The following AOPEP variants were observed in gnomAD, a reference collection of about 807,000 sequenced individuals.
AOPEP encodes aminopeptidase O (putative).
A neutral mutation model predicts 98.1 loss-of-function variants in AOPEP; 77 were observed. That is an observed-to-expected ratio of 0.78 (90% CI 0.65 to 0.95). The LOEUF is 0.95. Among genes scored for constraint, AOPEP ranks in the 40% least tolerant of loss-of-function variants. The probability of loss-of-function intolerance (pLI) is 0.00; values close to 1 mark genes in which losing one functional copy is unlikely to be tolerated. For synonymous variants in AOPEP, 346 were observed against 365.3 expected (o/e 0.95, Z 0.60); for missense variants, 1,024 against 1,024.7 (o/e 1.00, Z 0.01).
At chr9:94,844,885 A>G (rs1323124379) in intron 5 of AOPEP, among the ~76,000 whole-genome samples, 1 of 152,308 alleles carries the variant, frequency 6.6e-6, no homozygotes, top group East Asian at 1.9e-4. Flanking sequence ...AGGCCAGGGT[A>G]CAAGTTACCT....
At chr9:95,142,787 A>G in the AOPEP span, among the ~76,000 whole-genome samples, 1 of 152,192 alleles carries the variant, frequency 6.6e-6, no homozygotes, top group South Asian at 2.1e-4. Context: ...TAGAGTGGTC[A>G]GAGACTCGTA....
chr9:94,812,684 G>A (rs1564180400), intron 5 of AOPEP, among the ~76,000 whole-genome samples: 1 of 152,106 alleles, frequency 6.6e-6, no homozygotes. Flanking sequence ...TTCACTCTGT[G>A]CCCCTGCCCT....
At chr9:95,132,372 C>G in the AOPEP span, among the ~76,000 whole-genome samples, 6 of 152,244 alleles carry the variant, frequency 3.9e-5, no homozygotes, top group Non-Finnish European at 5.9e-5. Context: ...GGAAACCGAA[C>G]AATGCCAAGA....
Position 94,800,320 on chromosome 9 carries a change from T to C in AOPEP, c.1119-437T>C, listed in dbSNP as rs558477709. 7.9e-5 allele frequency among the ~76,000 whole-genome samples: 12 copies of C among 152,328 alleles called. No homozygotes were observed. The South Asian group carries it at 2.5e-3, about 32-fold the overall frequency. On this transcript the variant is annotated intron_variant, in intron 4 of 16. Coordinates refer to ENST00000375315, the MANE Select transcript of AOPEP (RefSeq NM_001193329.3). ...TCTTTTATTCTAGGTAATCCCAGAATTGGATCTTTAATTTGTGTGTACTGC... is the reference window on the plus strand; with the variant it reads ...TCTTTTATTCTAGGTAATCCCAGAACTGGATCTTTAATTTGTGTGTACTGC...
chr9:94,856,842 A>G (rs7038519), intron 5 of AOPEP, among the ~76,000 whole-genome samples: 128,448 of 152,160 alleles, frequency 0.84, 55,921 homozygotes, highest in Non-Finnish European at 0.94. Flanking sequence ...CACCTCTAGC[A>G]TCTGAAATAA....
At chr9:94,899,309 G>A (rs1448121229) in intron 5 of AOPEP, among the ~76,000 whole-genome samples, 1 of 143,712 alleles carries the variant, frequency 7.0e-6, no homozygotes, top group Non-Finnish European at 1.5e-5. Context: ...CTCAGCCTCC[G>A]GAGTAGCTGG....
At chr9:95,070,835 C>T (rs377579616) in intron 14 of AOPEP, among the ~76,000 whole-genome samples, 1 of 152,210 alleles carries the variant, frequency 6.6e-6, no homozygotes, top group Non-Finnish European at 1.5e-5. Context: ...GAGATGTGGA[C>T]GCGTCAGATC....
At chr9:95,058,070 T>G (rs1361726358) in intron 13 of AOPEP, among the ~76,000 whole-genome samples, 1 of 152,258 alleles carries the variant, frequency 6.6e-6, no homozygotes, top group East Asian at 1.9e-4. Flanking sequence ...AAGCTTCCAT[T>G]GATCCTTTTG....
chr9:94,892,001 T>C (rs1261314019), intron 5 of AOPEP, among the ~76,000 whole-genome samples: 1 of 152,228 alleles, frequency 6.6e-6, no homozygotes, highest in African/African-American at 2.4e-5. Flanking sequence ...TTGAAAAATA[T>C]TATGCATCTT....
Position 94,923,455 on chromosome 9 carries a change from C to G in AOPEP, c.1365-531C>G, listed in dbSNP as rs922758575. On this transcript the variant is annotated intron_variant, in intron 5 of 16. Coordinates refer to ENST00000375315, the MANE Select transcript of AOPEP (RefSeq NM_001193329.3). ...GGGCCTCCTGGAAACCTCAGCCATC[C>G]CCGGCACCTGCTCGTTTGTTAACAT... Among the ~76,000 whole-genome samples, 6 of 152,286 alleles carry G rather than the reference C, an allele frequency of 3.9e-5. No individual in the cohort carries two copies. In the South Asian group the frequency reaches 1.2e-3, roughly 32 times the overall value.
At chr9:95,058,919 G>A (rs971139451) in intron 13 of AOPEP, among the ~76,000 whole-genome samples, 17 of 152,234 alleles carry the variant, frequency 1.1e-4, no homozygotes, top group African/African-American at 3.6e-4. Flanking sequence ...ACTGGAAGGA[G>A]AAGGAGGGCA....
chr9:94,837,871 C>T lies in AOPEP; in HGVS notation c.1364+36869C>T, dbSNP rs537049409. Among the ~76,000 whole-genome samples, 37 of 152,334 alleles carry T rather than the reference C, an allele frequency of 2.4e-4. No individual in the cohort carries two copies. The South Asian group carries it at 7.7e-3, about 32-fold the overall frequency. On this transcript the variant is annotated intron_variant, in intron 5 of 16. Transcript: ENST00000375315. ...GAAATAAGATAAGGATGCCCACTCTCACCACTTCTATTCAGCATAGTACTG... is the reference window on the plus strand; with the variant it reads ...GAAATAAGATAAGGATGCCCACTCTTACCACTTCTATTCAGCATAGTACTG...
chr9:94,922,678 T>C (rs1197504659), intron 5 of AOPEP, among the ~76,000 whole-genome samples: 1 of 152,150 alleles, frequency 6.6e-6, no homozygotes, highest in Non-Finnish European at 1.5e-5. Flanking sequence ...ATACTGTTGG[T>C]GCCTGTTGCA....
At chr9:94,871,369 G>A (rs2046327472) in intron 5 of AOPEP, among the ~76,000 whole-genome samples, 1 of 152,162 alleles carries the variant, frequency 6.6e-6, no homozygotes, top group Admixed American at 6.5e-5. Flanking sequence ...CCTGACATCT[G>A]AGTGCGGGAC....
intron 5 of AOPEP, among the ~76,000 whole-genome samples, chr9:94,870,562 C>T (rs975174283): frequency 1.1e-4 from 17 of 152,142 alleles, no homozygotes; most frequent in Admixed American, 1.3e-4. Flanking sequence ...TATTTGAACC[C>T]AGAGGCTACA....
intron 7 of AOPEP, among the ~76,000 whole-genome samples, chr9:94,951,615 G>T (rs73540062): frequency 0.011 from 1,707 of 152,300 alleles, 30 homozygotes; most frequent in African/African-American, 0.038. Flanking sequence ...AGTTAGAAAC[G>T]AATCTGGCTA....
intron 5 of AOPEP, among the ~76,000 whole-genome samples, chr9:94,883,050 C>T (rs1014193640): frequency 1.3e-5 from 2 of 152,168 alleles, no homozygotes; most frequent in Non-Finnish European, 2.9e-5. Flanking sequence ...ATAAATACTG[C>T]TTACATCAAC....
At chr9:94,946,055 T>A (rs1438921029) in intron 7 of AOPEP, among the ~76,000 whole-genome samples, 27 of 152,104 alleles carry the variant, frequency 1.8e-4, no homozygotes, top group Admixed American at 1.8e-3. Flanking sequence ...CAGAACACTG[T>A]GAAAAGTACA....
At chr9:94,778,881 T>C (rs1022019430) in intron 3 of AOPEP, among the ~76,000 whole-genome samples, 1 of 151,946 alleles carries the variant, frequency 6.6e-6, no homozygotes, top group Non-Finnish European at 1.5e-5. Flanking sequence ...ACAAAAAAAT[T>C]AGCTGGGCGT....
Sources: allele counts gnomAD v4.1 joint callset (sites outside exome capture counted in the v4.1 genomes callset), GRCh38; gene constraint gnomAD v4.1.1; transcripts MANE v1.5; gene names NCBI Gene and HGNC (gene_info 2026-07-23, HGNC 2026-07-21).